Variants in ADGRG6 observed in about 807,000 individuals in gnomAD.
ADGRG6 encodes adhesion G protein-coupled receptor G6.
A neutral mutation model predicts 142.4 loss-of-function variants in ADGRG6; 84 were observed. That is an observed-to-expected ratio of 0.59 (90% confidence interval 0.49 to 0.71). The LOEUF is 0.71. Ranked by LOEUF, ADGRG6 falls within the 30% of genes least tolerant of loss-of-function variation. The pLI, the probability that ADGRG6 is intolerant of heterozygous loss-of-function variation, is 0.00. For missense variants in ADGRG6, 1,367 were observed against 1,466.6 expected, an observed-to-expected ratio of 0.93 and a Z score of 1.11; for synonymous variants, 521 against 520.5, an observed-to-expected ratio of 1.00 and a Z score of -0.01.
chr6:142,433,135 CCT>C (rs1777294213), intron 22 of ADGRG6, among the ~76,000 whole-genome samples: 3 of 152,136 alleles, frequency 2.0e-5, no homozygotes, highest in Admixed American at 1.3e-4. Context: ...GACAAAAATA[CCT>C]CCAAGAACAA....
chr6:142,305,031 ATAT>A (rs1477131342), intron 1 of ADGRG6, among the ~76,000 whole-genome samples: 1 of 152,244 alleles, frequency 6.6e-6, no homozygotes, highest in Admixed American at 6.5e-5. Context: ...AAAGTTTAAC[ATAT>A]TTAAAATAAG....
Position 142,411,282 on chromosome 6 carries a change from CTGTT to C in ADGRG6, c.2435-18_2435-15del, listed in dbSNP as rs762048949. 1.7e-5 allele frequency: 22 copies of C among 1,313,978 alleles called. No individual in the cohort carries two copies. Among genetic ancestry groups the C allele is most frequent in the East Asian group, 4.6e-5 (2 of 43,384 alleles). The allele number at this position is 1,313,978 out of a possible 1,614,324, so 81.4% of individuals were successfully genotyped here. ...AAGAAACTGACCTGCTGTTTTCACACTGTTTGTTGATTCCTTCAACAGAAAGTTT... is the reference window on the plus strand; with the variant it reads ...AAGAAACTGACCTGCTGTTTTCACACTGTTGATTCCTTCAACAGAAAGTTT... On this transcript the variant is annotated intron_variant, in intron 17 of 24. Coordinates refer to ENST00000367609, the MANE Select transcript of ADGRG6 (RefSeq NM_198569.3).
chr6:142,410,033 G>A, intron 17 of ADGRG6, 114 bp downstream of exon 17: 2 of 448,522 alleles, frequency 4.5e-6, no homozygotes, highest in Non-Finnish European at 8.1e-6. Flanking sequence ...CACAATGTAA[G>A]TGTAAATGGC....
intron 6 of ADGRG6, among the ~76,000 whole-genome samples, chr6:142,388,109 A>G (rs1391444159): frequency 6.6e-6 from 1 of 152,156 alleles, no homozygotes; most frequent in African/African-American, 2.4e-5. Context: ...GTTGAAGCCA[A>G]TTATTTTGCT....
In ADGRG6 at chr6:142,370,273, C is replaced by A; in HGVS notation, c.549C>A (p.Phe183Leu). 2 of 1,613,690 alleles carry A rather than the reference C, an allele frequency of 1.2e-6. No individual in the cohort carries two copies. The highest frequency in any genetic ancestry group is 1.7e-6 in the Non-Finnish European group (2 of 1,179,650). ...TCTCTATTCCAGAGCTCAGTGCTTT[C>A]ACACTCTGCTTTGAAGCAACCAAAG... is the stretch of plus-strand genomic sequence containing the variant. ...KSISIPELSAFTLCFEATKVG... is the reference protein window; with the variant it reads ...KSISIPELSALTLCFEATKVG... Residue 183 changes from phenylalanine to leucine, a missense_variant, in exon 4 of 25, where the codon TTC becomes TTA. Phe to Leu is a conservative substitution (Grantham distance 22). This residue lies in a region of ADGRG6 where 737 missense variants were observed against 746.5 expected (regional missense o/e 0.99). Transcript: ENST00000367609.
rs73576330 is a variant in ADGRG6, at chr6:142,302,016, T to G, written c.-314T>G. On this transcript the variant is annotated 5_prime_UTR_variant, in exon 1 of 25. Coordinates refer to ENST00000367609, the MANE Select transcript of ADGRG6 (RefSeq NM_198569.3). ...CGCACCCCTGCCTGGCCCGGTCTCC[T>G]CAGCACCAGCCCCACGCACACCCTA... The G allele has an allele frequency of 0.03, 14,058 of 468,606 alleles. 1,612 individuals carry two copies. The highest frequency in any genetic ancestry group is 0.25 in the African/African-American group (12,378 of 49,558). The allele number at this position is 468,606 out of a possible 1,614,324, so 29.0% of individuals were successfully genotyped here.
intron 18 of ADGRG6, among the ~76,000 whole-genome samples, chr6:142,414,571 A>G (rs1321115858): frequency 6.6e-6 from 1 of 152,120 alleles, no homozygotes; most frequent in Non-Finnish European, 1.5e-5. Context: ...GGCCATATAG[A>G]CTACTGTGGT....
chr6:142,405,340 T>G, intron 14 of ADGRG6: 1 of 463,614 alleles, frequency 2.2e-6, no homozygotes, highest in Non-Finnish European at 4.3e-6. Context: ...CTTTCTCCCA[T>G]AGTTATTATC....
At chr6:142,320,844 T>C (rs1018845861) in intron 2 of ADGRG6, among the ~76,000 whole-genome samples, 2 of 152,074 alleles carry the variant, frequency 1.3e-5, no homozygotes, top group Non-Finnish European at 2.9e-5. Flanking sequence ...TAATTTCTTA[T>C]GTTGTAGTCA....
intron 22 of ADGRG6, among the ~76,000 whole-genome samples, chr6:142,427,408 C>G (rs1471275980): frequency 6.6e-6 from 1 of 152,198 alleles, no homozygotes; most frequent in African/African-American, 2.4e-5. Flanking sequence ...AGTTCCTCAT[C>G]TCCATGAGAC....
At chr6:142,391,931 G>T (rs1774917833) in intron 7 of ADGRG6, among the ~76,000 whole-genome samples, 1 of 151,720 alleles carries the variant, frequency 6.6e-6, no homozygotes, top group South Asian at 2.1e-4. Flanking sequence ...TGCTAGATAA[G>T]GTATAAGCTT....
chr6:142,438,048 T>C, intron 23 of ADGRG6, 164 bp from the exon 24 acceptor site: 1 of 488,920 alleles, frequency 2.0e-6, no homozygotes, highest in Non-Finnish European at 3.5e-6. Flanking sequence ...AGTAAGAAAT[T>C]ATCAATATCC....
intron 7 of ADGRG6, 84 bp downstream of exon 7, chr6:142,390,427 G>T: frequency 1.4e-6 from 1 of 694,104 alleles, no homozygotes; most frequent in Non-Finnish European, 2.6e-6. Flanking sequence ...TGAATCCACA[G>T]ATCATACTGA....
chr6:142,343,668 A>G (rs1310365939), intron 2 of ADGRG6, among the ~76,000 whole-genome samples: 1 of 151,966 alleles, frequency 6.6e-6, no homozygotes, highest in Non-Finnish European at 1.5e-5. Context: ...TGCAAAAAAG[A>G]GCAAGAGTCA....
intron 2 of ADGRG6, among the ~76,000 whole-genome samples, chr6:142,312,778 C>T (rs1418431770): frequency 6.6e-6 from 1 of 152,010 alleles, no homozygotes; most frequent in Non-Finnish European, 1.5e-5. Flanking sequence ...ATTGCAATAG[C>T]AAACTGGAAG....
chr6:142,350,096 C>T (rs1478547898), intron 2 of ADGRG6, among the ~76,000 whole-genome samples: 1 of 152,158 alleles, frequency 6.6e-6, no homozygotes, highest in Non-Finnish European at 1.5e-5. Context: ...AAATGATACA[C>T]AGAAATCTGA....
At chr6:142,390,916 A>G (rs1192332590) in intron 7 of ADGRG6, among the ~76,000 whole-genome samples, 3 of 151,822 alleles carry the variant, frequency 2.0e-5, no homozygotes, top group African/African-American at 4.8e-5. Context: ...ATACCGTTCT[A>G]TACCGTACTT....
At chr6:142,419,178 G>A (rs762740220) in intron 21 of ADGRG6, among the ~76,000 whole-genome samples, 39 of 152,138 alleles carry the variant, frequency 2.6e-4, no homozygotes, top group Non-Finnish European at 5.1e-4. Context: ...CTTTGCACAT[G>A]ACAAGAAACA....
At chr6:142,339,103 A>G (rs1583004501) in intron 2 of ADGRG6, among the ~76,000 whole-genome samples, 1 of 152,178 alleles carries the variant, frequency 6.6e-6, no homozygotes, top group East Asian at 1.9e-4. Flanking sequence ...TACAAATCTC[A>G]GGTGTTAACT....
Sources: gnomAD v4.1 joint callset for allele counts (sites outside exome capture counted in the v4.1 genomes callset) on GRCh38, gnomAD v4.1.1 for gene constraint, gnomAD v4.1.1 regional missense constraint, MANE v1.5 for transcripts, NCBI Gene and HGNC (gene_info 2026-07-23, HGNC 2026-07-21) for gene names.